The following CBLB variants were observed in gnomAD, a reference collection of about 807,000 sequenced individuals.
CBLB encodes the protein Cbl proto-oncogene B, also known as E3 ubiquitin-protein ligase CBL-B.
CBLB carries 31 observed loss-of-function variants against 104.9 expected under a neutral mutation model. That is an observed-to-expected ratio of 0.30 (90% confidence interval 0.22 to 0.40). CBLB has a LOEUF of 0.40. Among genes scored for constraint, CBLB ranks in the 10% least tolerant of loss-of-function variants. CBLB has a pLI of 1.00. For synonymous variants in CBLB, 440 were observed against 422.6 expected (o/e 1.04, Z -0.51); for missense variants, 1,062 against 1,214.6 (o/e 0.87, Z 1.87).
intron 2 of CBLB, among the ~76,000 whole-genome samples, chr3:105,866,107 T>C (rs1009752123): frequency 3.9e-5 from 6 of 152,162 alleles, no homozygotes; most frequent in East Asian, 3.9e-4. Context: ...TTTGAATAAA[T>C]TGGCAGAAGC....
In CBLB at chr3:105,734,233, C is replaced by T; in HGVS notation, c.1072-93G>A. ...TTTCCCAAATAAAATGACGCACAGTCAATATCTCACAATTGACCTTGTCAG... is the reference window on the plus strand; with the variant it reads ...TTTCCCAAATAAAATGACGCACAGTTAATATCTCACAATTGACCTTGTCAG... On this transcript the variant is annotated intron_variant, in intron 8 of 18. Coordinates refer to ENST00000394030, the MANE Select transcript of CBLB (RefSeq NM_170662.5). 3 of 1,194,376 alleles carry T rather than the reference C, an allele frequency of 2.5e-6. No individual in the cohort carries two copies. The Admixed American group carries it at 5.2e-5, about 21-fold the overall frequency. 74.0% of individuals were successfully genotyped at this position (1,194,376 alleles called of 1,614,324 possible). A position where few individuals can be genotyped will look rare whatever the true frequency, so the allele number is the denominator to read the frequency against.
At chr3:105,807,601 T>TTA (rs2153032415) in intron 3 of CBLB, among the ~76,000 whole-genome samples, 1 of 152,236 alleles carries the variant, frequency 6.6e-6, no homozygotes, top group African/African-American at 2.4e-5. Context: ...TCATACATTT[T>TTA]TATATACATT....
Position 105,722,214 on chromosome 3 carries a change from A to AAAAAAG in CBLB, c.1204-1965_1204-1964insCTTTTT, listed in dbSNP as rs1553744289. On this transcript the variant is annotated intron_variant, in intron 9 of 18. Transcript: ENST00000394030. ...ACCCCGTGCCAAAAAAAAAAAAAAA[A>AAAAAAG]AAAAGAAAAGAAAAGAAAAAAAGAA... 1.5e-3 allele frequency among the ~76,000 whole-genome samples: 227 copies of AAAAAAG among 150,550 alleles called. 2 individuals are homozygous for AAAAAAG. The highest frequency in any genetic ancestry group is 3.4e-3 in the Middle Eastern group (1 of 292).
intron 3 of CBLB, among the ~76,000 whole-genome samples, chr3:105,815,927 C>T (rs1304890367): frequency 6.6e-6 from 1 of 152,122 alleles, no homozygotes; most frequent in Non-Finnish European, 1.5e-5. Context: ...CCATCATTCT[C>T]AGCAAACTAA....
Position 105,656,488 on chromosome 3 carries a change from T to G in CBLB, c.*2482A>C, listed in dbSNP as rs1381320183. ...TGTTTAATAGAAAGTTTTCCTCTTT[T>G]CATTCCATTACGTATGAATTTTTGA... On this transcript the variant is annotated 3_prime_UTR_variant, in exon 19 of 19. Coordinates refer to ENST00000394030, the MANE Select transcript of CBLB (RefSeq NM_170662.5). 5.2e-6 allele frequency: 1 copy of G among 191,480 alleles called. No individual in the cohort carries two copies. The highest frequency in any genetic ancestry group is 8.3e-5 in the East Asian group (1 of 12,088). The allele number at this position is 191,480 out of a possible 1,614,324, so 11.9% of individuals were successfully genotyped here.
chr3:105,685,433 C>G lies in CBLB; in HGVS notation c.2088G>C (p.Glu696Asp). 6.2e-7 allele frequency: 1 copy of G among 1,613,384 alleles called. No individual in the cohort carries two copies. The highest frequency in any genetic ancestry group is 1.1e-5 in the South Asian group (1 of 91,054). ...CTGPLANSLS[E>D]KTRDPVEEDD... Reference sequence around the variant, plus strand: ...CTTCCTCTACTGGGTCTCTTGTTTTCTCTGAAAGAGAATTTGCTAACGGAC... The same window carrying G: ...CTTCCTCTACTGGGTCTCTTGTTTTGTCTGAAAGAGAATTTGCTAACGGAC... The change falls in exon 14 of 19, where the codon GAG (glutamate) becomes GAC (aspartate). Residue 696 changes from glutamate (E) to aspartate (D), a missense_variant. Glu to Asp is a conservative substitution (Grantham distance 45). Transcript: ENST00000394030.
chr3:105,790,933 A>G (rs911514133), intron 3 of CBLB, among the ~76,000 whole-genome samples: 1 of 152,216 alleles, frequency 6.6e-6, no homozygotes, highest in African/African-American at 2.4e-5. Flanking sequence ...CCTTCTATCC[A>G]TGCTGCTCAG....
intron 3 of CBLB, among the ~76,000 whole-genome samples, chr3:105,839,633 C>A (rs938922043): frequency 1.3e-5 from 2 of 152,208 alleles, no homozygotes; most frequent in African/African-American, 4.8e-5. Context: ...GCTCTGCAGG[C>A]CAGATAGTCT....
chr3:105,819,488 C>CA lies in CBLB; in HGVS notation c.419+33925dup, dbSNP rs1464453983. On this transcript the variant is annotated intron_variant, in intron 3 of 18. Transcript: ENST00000394030. ...GGCAACAGAGCAAGACTCCACCTCT[C>CA]AAAAAAAAAAAAAGAAAGAAAGAAA... is the stretch of plus-strand genomic sequence containing the variant. Among the ~76,000 whole-genome samples the CA allele has an allele frequency of 5.0e-3, 603 of 121,138 alleles. 9 individuals carry two copies. Among genetic ancestry groups the CA allele is most frequent in the African/African-American group, 0.012 (384 of 32,412 alleles). 79.5% of individuals were successfully genotyped at this position (121,138 alleles called of 152,430 possible).
At chr3:105,663,948 A>AT (rs34595997) in intron 18 of CBLB, among the ~76,000 whole-genome samples, 1,969 of 144,364 alleles carry the variant, frequency 0.014, 46 homozygotes, top group African/African-American at 0.044. Flanking sequence ...GGCAGACCAT[A>AT]TTTTTTTTTT....
intron 12 of CBLB, among the ~76,000 whole-genome samples, chr3:105,694,930 G>A (rs529504823): frequency 2.6e-4 from 40 of 151,826 alleles, no homozygotes; most frequent in African/African-American, 8.9e-4. Flanking sequence ...TTTCCTAATA[G>A]ATATTAATCA....
rs373062024 is a variant in CBLB at position 105,702,242 on chromosome 3, A to C, written c.1811T>G (p.Leu604Arg). ...CTCCCCTAGGAGTCGACATCCCACAAGCTGATTAGTCCCAAACACATCCCG... is the reference window on the plus strand; with the variant it reads ...CTCCCCTAGGAGTCGACATCCCACACGCTGATTAGTCCCAAACACATCCCG... ...CPRDVFGTNQ[L>R]VGCRLLGEGS... Residue 604 changes from leucine to arginine, a missense_variant, in exon 12 of 19, where the codon CTT becomes CGT. Coordinates refer to ENST00000394030, the MANE Select transcript of CBLB (RefSeq NM_170662.5). 1.2e-6 allele frequency: 2 copies of C among 1,614,060 alleles called. No individual in the cohort carries two copies. Among genetic ancestry groups the C allele is most frequent in the Admixed American group, 3.3e-5 (2 of 60,014 alleles).
rs374448645 is a variant in CBLB, at chr3:105,704,184, A to G, written c.1408-11T>C. The G allele has an allele frequency of 2.0e-5, 32 of 1,613,176 alleles. No homozygotes were observed. The highest frequency in any genetic ancestry group is 2.6e-5 in the Non-Finnish European group (31 of 1,179,296). ...CTGCCTGTCAGTGCACTAGAACAGA[A>G]AAAGAGAAAGATGCCGCTGTTTATT... On this transcript the variant is annotated splice_polypyrimidine_tract_variant and intron_variant, in intron 10 of 18. Coordinates refer to ENST00000394030, the MANE Select transcript of CBLB (RefSeq NM_170662.5).
intron 9 of CBLB, among the ~76,000 whole-genome samples, chr3:105,726,014 G>A (rs992961196): frequency 6.6e-6 from 1 of 152,020 alleles, no homozygotes; most frequent in Non-Finnish European, 1.5e-5. Context: ...ACCACGCCCA[G>A]TTATTTGGTA....
chr3:105,748,226 G>A (rs2076287118), intron 5 of CBLB, among the ~76,000 whole-genome samples: 1 of 152,058 alleles, frequency 6.6e-6, no homozygotes, highest in South Asian at 2.1e-4. Flanking sequence ...GAATAAAGGA[G>A]ACAAGTCCCT....
intron 13 of CBLB, among the ~76,000 whole-genome samples, chr3:105,692,070 C>A (rs2067776148): frequency 6.6e-6 from 1 of 152,134 alleles, no homozygotes; most frequent in Non-Finnish European, 1.5e-5. Flanking sequence ...GGGCTGGGAT[C>A]TACCTTATTT....
intron 9 of CBLB, chr3:105,723,978 C>T (rs987381920): frequency 1.3e-5 from 2 of 158,102 alleles, no homozygotes; most frequent in Non-Finnish European, 2.8e-5. Context: ...TATGTGTATG[C>T]ATATGTATGT....
chr3:105,757,597 G>T (rs986031459), intron 4 of CBLB, among the ~76,000 whole-genome samples: 18 of 152,026 alleles, frequency 1.2e-4, no homozygotes, highest in Non-Finnish European at 1.8e-4. Flanking sequence ...TATGATTTGT[G>T]TACTTTTCCC....
chr3:105,719,751 A>T (rs1489956047), intron 10 of CBLB, among the ~76,000 whole-genome samples: 1 of 152,216 alleles, frequency 6.6e-6, no homozygotes, highest in Non-Finnish European at 1.5e-5. Flanking sequence ...AAAAAAAGTT[A>T]ACCGTAACAT....
Sources: allele counts gnomAD v4.1 joint callset (sites outside exome capture counted in the v4.1 genomes callset), GRCh38; gene constraint gnomAD v4.1.1; transcripts MANE v1.5; gene names NCBI Gene and HGNC (gene_info 2026-07-23, HGNC 2026-07-21).